Variants in NTN1 observed in about 807,000 individuals in gnomAD.
NTN1 encodes netrin-1.
In NTN1, 11 loss-of-function variants were observed where a neutral mutation model predicts 54.2. The ratio of observed to expected loss-of-function variants is 0.20; its 90% CI spans 0.13 to 0.34. The LOEUF is 0.34. Ranked by LOEUF, NTN1 falls within the 10% of genes least tolerant of loss-of-function variation. The probability of loss-of-function intolerance (pLI) is 1.00; values close to 1 mark genes in which losing one functional copy is unlikely to be tolerated. For missense variants in NTN1, 740 were observed against 893.1 expected (o/e 0.83, Z 2.18); for synonymous variants, 371 against 382.0 (o/e 0.97, Z 0.33).
Position 9,210,672 on chromosome 17 carries a change from C to T in NTN1, c.1412-10496C>T, listed in dbSNP as rs541638346. On this transcript the variant is annotated intron_variant, in intron 5 of 6. Coordinates refer to ENST00000173229, the MANE Select transcript of NTN1 (RefSeq NM_004822.3). ...CTGTAATCCCAACACTTTGGGAGGCCGAGGCAAGCGGATCACCTGAGCTCA... is the reference window on the plus strand; with the variant it reads ...CTGTAATCCCAACACTTTGGGAGGCTGAGGCAAGCGGATCACCTGAGCTCA... 3.9e-5 allele frequency among the ~76,000 whole-genome samples: 6 copies of T among 151,990 alleles called. No individual in the cohort carries two copies. The South Asian group carries it at 6.2e-4, about 16-fold the overall frequency.
At chr17:9,094,953 C>T (rs368939861) in intron 2 of NTN1, among the ~76,000 whole-genome samples, 34 of 133,330 alleles carry the variant, frequency 2.6e-4, no homozygotes, top group African/African-American at 9.7e-4. Context: ...CATGCCACTG[C>T]ACTTCAGCCT....
At chr17:9,034,116 C>T (rs1277875663) in intron 2 of NTN1, among the ~76,000 whole-genome samples, 1 of 152,042 alleles carries the variant, frequency 6.6e-6, no homozygotes, top group Non-Finnish European at 1.5e-5. Context: ...GGAGTGTGGA[C>T]TTGGGTAAAT....
At chr17:9,100,527 G>A (rs531937422) in intron 2 of NTN1, among the ~76,000 whole-genome samples, 9 of 151,372 alleles carry the variant, frequency 5.9e-5, no homozygotes, top group African/African-American at 2.2e-4. Context: ...GGTCTCGATC[G>A]CTTGACCTCG....
chr17:9,156,519 C>T (rs971563388), intron 2 of NTN1, among the ~76,000 whole-genome samples: 17 of 152,206 alleles, frequency 1.1e-4, no homozygotes, highest in Admixed American at 4.6e-4. Flanking sequence ...CTGCTGGATG[C>T]TTTCTGGACC....
At chr17:9,133,802 A>G (rs911086318) in intron 2 of NTN1, among the ~76,000 whole-genome samples, 32 of 124,582 alleles carry the variant, frequency 2.6e-4, no homozygotes, top group South Asian at 5.1e-4. Context: ...GGGTTTCACC[A>G]TGTTGGCCAG....
chr17:9,024,252 T>C (rs1422356386), intron 2 of NTN1, among the ~76,000 whole-genome samples: 1 of 152,158 alleles, frequency 6.6e-6, no homozygotes, highest in African/African-American at 2.4e-5. Context: ...TGCTTCTGAA[T>C]TGGACGACTT....
In NTN1 at chr17:9,179,832, T is replaced by C; in HGVS notation, c.1233T>C (p.Ala411=). 6.2e-7 allele frequency: 1 copy of C among 1,614,072 alleles called. No individual in the cohort carries two copies. ...CCTGTGATTGCCACCCTGTGGGTGCTGCTGGCAAAACCTGCAACCAAACCA... is the reference window on the plus strand; with the variant it reads ...CCTGTGATTGCCACCCTGTGGGTGCCGCTGGCAAAACCTGCAACCAAACCA... ...CKACDCHPVG[A]AGKTCNQTTG... Residue 411 remains alanine, a synonymous_variant, in exon 4 of 7, where the codon GCT becomes GCC. Transcript: ENST00000173229.
chr17:9,058,637 C>CAAAAAAAAAA (rs3053457), intron 2 of NTN1, among the ~76,000 whole-genome samples: 132 of 58,908 alleles, frequency 2.2e-3, no homozygotes, highest in African/African-American at 3.2e-3. Context: ...GGTAGGCACT[C>CAAAAAAAAAA]AAAAAAAAAA....
the NTN1 span, among the ~76,000 whole-genome samples, chr17:9,007,591 T>C: frequency 6.8e-6 from 1 of 147,114 alleles, no homozygotes; most frequent in Non-Finnish European, 1.5e-5. Flanking sequence ...CTTCCCTCCC[T>C]TCCTACCTTC....
chr17:9,082,250 G>A (rs1490284379), intron 2 of NTN1, among the ~76,000 whole-genome samples: 3 of 152,082 alleles, frequency 2.0e-5, no homozygotes, highest in African/African-American at 7.2e-5. Flanking sequence ...TAATAGAGAC[G>A]GGGTTTTGCC....
intron 2 of NTN1, among the ~76,000 whole-genome samples, chr17:9,056,753 G>T (rs2091980648): frequency 6.6e-6 from 1 of 152,188 alleles, no homozygotes; most frequent in South Asian, 2.1e-4. Flanking sequence ...GTGATGGCCT[G>T]GGTAGTGATG....
At chr17:9,169,912 C>T (rs2092383032) in intron 3 of NTN1, among the ~76,000 whole-genome samples, 1 of 152,192 alleles carries the variant, frequency 6.6e-6, no homozygotes, top group South Asian at 2.1e-4. Context: ...TCCAGGGGTT[C>T]CTGTGCTTGA....
Position 9,219,186 on chromosome 17 carries a change from T to TGCTGATGGC in NTN1, c.1412-1979_1412-1971dup, listed in dbSNP as rs1344297174. Among the ~76,000 whole-genome samples, 3 of 152,312 alleles carry TGCTGATGGC rather than the reference T, an allele frequency of 2.0e-5. No individual in the cohort carries two copies. Among genetic ancestry groups the TGCTGATGGC allele is most frequent in the African/African-American group, 7.2e-5 (3 of 41,548 alleles). The stretch of plus-strand genomic sequence containing the variant: ...GGAAGTGCGGCCGCGGTGCTGATGG[T>TGCTGATGGC]GCTGATGGCGCCGTTGACTTGAGTG... On this transcript the variant is annotated intron_variant, in intron 5 of 6. Transcript: ENST00000173229. This position sits in a 1 kb window ranked among gnomAD's most constrained non-coding sequence, Gnocchi z 4.5.
At chr17:9,024,383 T>C (rs553523213) in intron 2 of NTN1, among the ~76,000 whole-genome samples, 1 of 152,318 alleles carries the variant, frequency 6.6e-6, no homozygotes, top group Non-Finnish European at 1.5e-5. Context: ...AAAGCCCACA[T>C]TTATTTGAGC....
At chr17:9,145,724 G>C (rs4791338) in intron 2 of NTN1, among the ~76,000 whole-genome samples, 108,641 of 151,994 alleles carry the variant, frequency 0.71, 40,755 homozygotes, top group East Asian at 1. Flanking sequence ...TGAGACCAGC[G>C]TGGCCAACAT....
At chr17:9,208,854 A>G (rs1210723531) in intron 5 of NTN1, among the ~76,000 whole-genome samples, 1 of 152,230 alleles carries the variant, frequency 6.6e-6, no homozygotes, top group Non-Finnish European at 1.5e-5. Flanking sequence ...ACAGGGCTGC[A>G]TCAGCCAGAT....
chr17:9,224,195 A>G (rs12452003), intron 6 of NTN1, among the ~76,000 whole-genome samples: 8,646 of 143,432 alleles, frequency 0.06, 697 homozygotes, highest in East Asian at 0.43. Context: ...CTCCCCAACA[A>G]TATTCCAGGG....
At chr17:9,048,249 G>A (rs149866839) in intron 2 of NTN1, among the ~76,000 whole-genome samples, 1,564 of 152,248 alleles carry the variant, frequency 0.01, 27 homozygotes, top group African/African-American at 0.033. Flanking sequence ...CTCCTTGGAC[G>A]TCTCCATCAG....
At chr17:9,141,965 C>T (rs897498943) in intron 2 of NTN1, among the ~76,000 whole-genome samples, 3 of 152,026 alleles carry the variant, frequency 2.0e-5, no homozygotes, top group African/African-American at 7.2e-5. Context: ...TTGGTGAAAC[C>T]CTGTCTCTAC....
Sources: gnomAD v4.1 joint callset for allele counts (sites outside exome capture counted in the v4.1 genomes callset) on GRCh38, gnomAD v4.1.1 for gene constraint, Gnocchi (gnomAD v3.1) non-coding constraint, MANE v1.5 for transcripts, NCBI Gene and HGNC (gene_info 2026-07-23, HGNC 2026-07-21) for gene names.